The following RPH3A variants were observed in gnomAD, a reference collection of about 807,000 sequenced individuals.
RPH3A encodes rabphilin-3A.
Under a neutral mutation model 102.2 loss-of-function variants are expected in RPH3A, and 48 were observed. The ratio of observed to expected loss-of-function variants is 0.47; its 90% confidence interval spans 0.37 to 0.60. The LOEUF (loss-of-function observed/expected upper bound fraction) is 0.60. Among genes scored for constraint, RPH3A ranks in the 20% least tolerant of loss-of-function variants. RPH3A has a pLI of 0.00. For synonymous variants in RPH3A, 310 were observed against 324.3 expected (o/e 0.96, Z 0.47); for missense variants, 781 against 910.1 (o/e 0.86, Z 1.83).
intron 1 of RPH3A, among the ~76,000 whole-genome samples, chr12:112,762,237 G>C (rs2040859086): frequency 6.6e-6 from 1 of 152,102 alleles, no homozygotes; most frequent in Non-Finnish European, 1.5e-5. Context: ...CAAAGTCTGG[G>C]CACAATACTG....
chr12:112,725,559 C>T (rs1295812740), intron 1 of RPH3A, among the ~76,000 whole-genome samples: 1 of 152,146 alleles, frequency 6.6e-6, no homozygotes, highest in East Asian at 1.9e-4. Context: ...CTCGATTAGC[C>T]GCTTGGGGGT....
chr12:112,886,164 G>A (rs2042999591), intron 16 of RPH3A, among the ~76,000 whole-genome samples: 1 of 152,128 alleles, frequency 6.6e-6, no homozygotes, highest in Non-Finnish European at 1.5e-5. Context: ...TACTTTTACA[G>A]TCCCTTCCTG....
intron 1 of RPH3A, among the ~76,000 whole-genome samples, chr12:112,749,549 C>T (rs1024467): frequency 0.7 from 105,754 of 152,138 alleles, 36,939 homozygotes; most frequent in East Asian, 0.86. Context: ...AGAAATCTGC[C>T]TGGTTTATGA....
At chr12:112,867,127 C>T (rs1179719277) in intron 7 of RPH3A, among the ~76,000 whole-genome samples, 1 of 152,012 alleles carries the variant, frequency 6.6e-6, no homozygotes, top group East Asian at 1.9e-4. Flanking sequence ...TTTCCTTTCT[C>T]TCTCTCTATT....
At chr12:112,738,839 G>T (rs75753973) in intron 1 of RPH3A, among the ~76,000 whole-genome samples, 5,902 of 151,526 alleles carry the variant, frequency 0.039, 291 homozygotes, top group East Asian at 0.27. Flanking sequence ...CAAACCAAAG[G>T]CTCATCATAA....
At chr12:112,731,729 T>C (rs923516798) in intron 1 of RPH3A, among the ~76,000 whole-genome samples, 3 of 152,248 alleles carry the variant, frequency 2.0e-5, no homozygotes, top group African/African-American at 7.2e-5. Context: ...ATTTTTCCCT[T>C]GATGACTTTC....
chr12:112,600,642 G>T (rs1364884437), intron 1 of RPH3A, among the ~76,000 whole-genome samples: 1 of 152,144 alleles, frequency 6.6e-6, no homozygotes, highest in Non-Finnish European at 1.5e-5. Context: ...CATTCAACAA[G>T]TCTCTAGGAA....
At chr12:112,841,421 C>T (rs1160169653) in intron 4 of RPH3A, among the ~76,000 whole-genome samples, 1 of 152,028 alleles carries the variant, frequency 6.6e-6, no homozygotes, top group African/African-American at 2.4e-5. Context: ...CAAGACATCC[C>T]TCCTGGAGTC....
At chr12:112,893,284 C>A (rs1160227417) in intron 19 of RPH3A, 1 of 152,236 alleles carries the variant, frequency 6.6e-6, no homozygotes, top group Non-Finnish European at 1.5e-5. Context: ...TTGGTAACTT[C>A]TAATTCCTCA....
intron 2 of RPH3A, among the ~76,000 whole-genome samples, chr12:112,815,810 G>A (rs1021415092): frequency 8.5e-5 from 13 of 152,314 alleles, no homozygotes; most frequent in African/African-American, 2.6e-4. Flanking sequence ...TGTGTTGAGT[G>A]CTGAAATCAA....
chr12:112,656,819 A>G (rs1302650387), intron 1 of RPH3A, among the ~76,000 whole-genome samples: 1 of 151,942 alleles, frequency 6.6e-6, no homozygotes, highest in Non-Finnish European at 1.5e-5. Context: ...ATATATATAT[A>G]TATCTCCACA....
chr12:112,775,768 G>C (rs2040961532), intron 1 of RPH3A, among the ~76,000 whole-genome samples: 1 of 152,090 alleles, frequency 6.6e-6, no homozygotes, highest in Non-Finnish European at 1.5e-5. Context: ...AAAAGATAAA[G>C]ATAAAAAATG....
At chr12:112,703,005 A>T (rs906765307) in intron 1 of RPH3A, among the ~76,000 whole-genome samples, 4 of 152,202 alleles carry the variant, frequency 2.6e-5, no homozygotes, top group African/African-American at 9.6e-5. Flanking sequence ...TGCTCTAGCC[A>T]ACAGAATGAC....
intron 1 of RPH3A, among the ~76,000 whole-genome samples, chr12:112,621,962 C>T (rs962781687): frequency 3.3e-5 from 5 of 150,436 alleles, no homozygotes; most frequent in South Asian, 4.3e-4. Context: ...ACACCTCACA[C>T]GGCAGGGTAT....
intron 1 of RPH3A, among the ~76,000 whole-genome samples, chr12:112,716,404 G>C (rs1476722115): frequency 2.0e-5 from 3 of 152,214 alleles, no homozygotes; most frequent in African/African-American, 4.8e-5. Context: ...CCATTTGTAT[G>C]AGTTAGAGTC....
At chr12:112,767,398 G>A (rs2040897886) in intron 1 of RPH3A, among the ~76,000 whole-genome samples, 1 of 152,180 alleles carries the variant, frequency 6.6e-6, no homozygotes, top group Non-Finnish European at 1.5e-5. Context: ...AGGATGAGAA[G>A]GGCCCGCCAG....
At chr12:112,699,034 C>T (rs1851877364) in intron 1 of RPH3A, among the ~76,000 whole-genome samples, 1 of 151,966 alleles carries the variant, frequency 6.6e-6, no homozygotes, top group African/African-American at 2.4e-5. Flanking sequence ...GATCCTCCTA[C>T]CTCAGCCTAC....
chr12:112,841,301 G>A (rs1223296343), intron 4 of RPH3A, among the ~76,000 whole-genome samples: 4 of 151,608 alleles, frequency 2.6e-5, no homozygotes, highest in African/African-American at 9.7e-5. Context: ...TAGTTAAGAT[G>A]AGGGGGGCAG....
At chr12:112,879,674 G>A (rs778856332) in intron 14 of RPH3A, among the ~76,000 whole-genome samples, 8 of 152,190 alleles carry the variant, frequency 5.3e-5, no homozygotes, top group Non-Finnish European at 7.3e-5. Context: ...GGACAGCCTC[G>A]CTGCAGGCCC....
Sources: allele counts gnomAD v4.1 joint callset (sites outside exome capture counted in the v4.1 genomes callset), GRCh38; gene constraint gnomAD v4.1.1; transcripts MANE v1.5; gene names NCBI Gene and HGNC (gene_info 2026-07-23, HGNC 2026-07-21).